SERINC5: variants seen among roughly 807,000 people sequenced by gnomAD.
SERINC5 encodes the protein chromosome 5 open reading frame 12.
Under a neutral mutation model 63.1 loss-of-function variants are expected in SERINC5, and 41 were observed. That is an observed-to-expected ratio of 0.65 (90% CI 0.51 to 0.84). SERINC5 has a LOEUF of 0.84. Among genes scored for constraint, SERINC5 ranks in the 40% least tolerant of loss-of-function variants. The pLI is 0.00. For missense variants in SERINC5, 523 were observed against 573.0 expected, an observed-to-expected ratio of 0.91 and a Z score of 0.89; for synonymous variants, 222 against 215.2, an observed-to-expected ratio of 1.03 and a Z score of -0.28.
chr5:80,232,127 G>A lies in SERINC5; in HGVS notation c.27+23769C>T, dbSNP rs182530356. On this transcript the variant is annotated intron_variant, in intron 1 of 11. Transcript: ENST00000507668. ...AAAAAAAAAAAAAAAAAAAAAGGCC[G>A]GGCAAGGTGGCTCACGCCTGTAATC... Among the ~76,000 whole-genome samples the A allele has an allele frequency of 7.7e-3, 1,129 of 147,030 alleles. 17 individuals are homozygous for A. The highest frequency in any genetic ancestry group is 0.029 in the Middle Eastern group (8 of 276).
At chr5:80,246,058 A>T (rs1580218677) in intron 1 of SERINC5, among the ~76,000 whole-genome samples, 1 of 152,294 alleles carries the variant, frequency 6.6e-6, no homozygotes, top group Non-Finnish European at 1.5e-5. Context: ...AAAGCTAAAG[A>T]AAAATTACCA....
At chr5:80,158,716 G>A in intron 8 of SERINC5, 120 bp downstream of exon 8, 1 of 916,704 alleles carries the variant, frequency 1.1e-6, no homozygotes, top group African/African-American at 1.7e-5. Flanking sequence ...CTTTTTACTT[G>A]TGGTTATTTT....
intron 8 of SERINC5, 173 bp downstream of exon 8, chr5:80,158,663 A>T (rs1216697461): frequency 1.7e-6 from 1 of 579,434 alleles, no homozygotes. Flanking sequence ...AAATAAAAAC[A>T]AGTAAGGTGA....
chr5:80,238,843 CTG>C (rs1264115733), intron 1 of SERINC5, among the ~76,000 whole-genome samples: 1 of 149,814 alleles, frequency 6.7e-6, no homozygotes, highest in East Asian at 2.0e-4. Flanking sequence ...AATCATAAGA[CTG>C]TGTTTAAAAT....
rs543070113 is a variant in SERINC5 at position 80,121,469 on chromosome 5, G to A, written c.1239-7844C>T. Among the ~76,000 whole-genome samples the A allele has an allele frequency of 4.6e-5, 7 of 152,228 alleles. No homozygotes were observed. The East Asian group carries it at 1.4e-3, about 29-fold the overall frequency. On this transcript the variant is annotated intron_variant, in intron 11 of 12. Transcript: ENST00000509193. ...TATCACAAGGTCAGCATCAAGGCGTGAGGCATCCACCCCCATGACCCAAAC... is the reference window on the plus strand; with the variant it reads ...TATCACAAGGTCAGCATCAAGGCGTAAGGCATCCACCCCCATGACCCAAAC...
intron 1 of SERINC5, among the ~76,000 whole-genome samples, chr5:80,232,458 G>A (rs1469960170): frequency 6.6e-6 from 1 of 150,882 alleles, no homozygotes; most frequent in African/African-American, 2.4e-5. Context: ...GCAAGGAATG[G>A]GTTTCAGTAA....
intron 1 of SERINC5, among the ~76,000 whole-genome samples, chr5:80,223,957 C>T (rs1218153215): frequency 2.0e-5 from 3 of 150,536 alleles, no homozygotes; most frequent in Admixed American, 2.0e-4. Flanking sequence ...GAAACCCCGT[C>T]TCAGATAAAA....
chr5:80,184,208 T>TATA (rs1352195480), intron 2 of SERINC5, among the ~76,000 whole-genome samples: 6 of 152,190 alleles, frequency 3.9e-5, no homozygotes, highest in African/African-American at 1.4e-4. Context: ...CAGGATTTAT[T>TATA]GCTCTAAAAC....
In SERINC5 at chr5:80,194,669, G is replaced by A. The variant is rs545363777; in HGVS notation, c.195+8217C>T. 1.2e-4 allele frequency among the ~76,000 whole-genome samples: 19 copies of A among 152,238 alleles called. No individual in the cohort carries two copies. In the South Asian group the frequency reaches 2.1e-3, roughly 17 times the overall value. On this transcript the variant is annotated intron_variant, in intron 2 of 11. Coordinates refer to ENST00000507668, the MANE Select transcript of SERINC5 (RefSeq NM_001174072.3). ...TGGGAAATGTAACTAAGCTAAGATCGCTGCTGAGGGCCCCAGGCAGCGCTA... is the reference window on the plus strand; with the variant it reads ...TGGGAAATGTAACTAAGCTAAGATCACTGCTGAGGGCCCCAGGCAGCGCTA...
chr5:80,234,457 A>G (rs1751596627), intron 1 of SERINC5, among the ~76,000 whole-genome samples: 1 of 152,184 alleles, frequency 6.6e-6, no homozygotes, highest in Non-Finnish European at 1.5e-5. Flanking sequence ...TTTCTAATGC[A>G]AAAATGTGTT....
intron 12 of SERINC5, among the ~76,000 whole-genome samples, chr5:80,113,340 T>C (rs1744199326): frequency 1.3e-5 from 2 of 152,182 alleles, no homozygotes; most frequent in African/African-American, 2.4e-5. Flanking sequence ...GTAAAACTAG[T>C]ATCATTTCTA....
At chr5:80,177,176 G>A (rs1748088692) in intron 4 of SERINC5, 139 bp downstream of exon 4, 1 of 616,368 alleles carries the variant, frequency 1.6e-6, no homozygotes, top group African/African-American at 1.9e-5. Flanking sequence ...GTATGGGCAG[G>A]TAAGTCAGGA....
intron 2 of SERINC5, among the ~76,000 whole-genome samples, chr5:80,191,483 AAAAAAAAAAAAAG>A (rs1164871712): frequency 5.0e-4 from 58 of 115,944 alleles, no homozygotes; most frequent in Middle Eastern, 4.6e-3. Flanking sequence ...TCTCTACAAA[AAAAAAAAAAAAAG>A]AAAAAAAAAA....
chr5:80,197,322 A>T (rs949761524), intron 2 of SERINC5, among the ~76,000 whole-genome samples: 92 of 22,146 alleles, frequency 4.2e-3, no homozygotes, highest in Middle Eastern at 0.015. Flanking sequence ...AGAGAGAGAG[A>T]GAGAGAGAGA....
intron 1 of SERINC5, among the ~76,000 whole-genome samples, chr5:80,226,634 T>C (rs1751177729): frequency 6.6e-6 from 1 of 152,186 alleles, no homozygotes; most frequent in Non-Finnish European, 1.5e-5. Context: ...TCCCAATGCT[T>C]TCTGCGAGAA....
intron 2 of SERINC5, among the ~76,000 whole-genome samples, chr5:80,178,710 A>G (rs1400969240): frequency 1.3e-5 from 2 of 151,698 alleles, no homozygotes; most frequent in East Asian, 1.9e-4. Flanking sequence ...ACATGGATAT[A>G]TTTTTGTTGA....
At chr5:80,238,058 C>G (rs1419131048) in intron 1 of SERINC5, among the ~76,000 whole-genome samples, 1 of 145,960 alleles carries the variant, frequency 6.9e-6, no homozygotes, top group African/African-American at 2.5e-5. Context: ...GAGCAGAGAT[C>G]GCACCACTGC....
chr5:80,203,356 TAC>T (rs200989954), intron 1 of SERINC5: 20 of 151,612 alleles, frequency 1.3e-4, no homozygotes, highest in Middle Eastern at 3.1e-3. Flanking sequence ...CATGCACATA[TAC>T]ACACACACAC....
At chr5:80,198,567 C>T (rs900241463) in intron 2 of SERINC5, 1 of 985,324 alleles carries the variant, frequency 1.0e-6, no homozygotes. Context: ...CGGGCCGTTA[C>T]AAGCATGCAG....
Sources: gnomAD v4.1 joint callset for allele counts (sites outside exome capture counted in the v4.1 genomes callset) on GRCh38, gnomAD v4.1.1 for gene constraint, MANE v1.5 for transcripts, NCBI Gene and HGNC (gene_info 2026-07-23, HGNC 2026-07-21) for gene names.